HOXC4: variants seen among roughly 807,000 people sequenced by gnomAD.
HOXC4 encodes the protein homeobox protein Hox-C4.
HOXC4 carries 15 observed loss-of-function variants against 25.5 expected under a neutral mutation model. The ratio of observed to expected loss-of-function variants is 0.59; its 90% confidence interval spans 0.39 to 0.91. The LOEUF is 0.91. Ranked by LOEUF, HOXC4 falls within the 40% of genes least tolerant of loss-of-function variation. The pLI is 0.00. For synonymous variants in HOXC4, 165 were observed against 148.0 expected (o/e 1.11, Z -0.83); for missense variants, 342 against 352.4 (o/e 0.97, Z 0.24).
chr12:54,030,678 G>T (rs1335892360), intron 1 of HOXC4: 1 of 152,608 alleles, frequency 6.6e-6, no homozygotes, highest in East Asian at 1.9e-4. Context: ...TACAAAAAGA[G>T]AGAAAAAAAG....
intron 1 of HOXC4, among the ~76,000 whole-genome samples, chr12:54,039,626 CT>C (rs1467045012): frequency 1.3e-5 from 2 of 152,104 alleles, no homozygotes; most frequent in Non-Finnish European, 2.9e-5. Context: ...ACCCGTCCTT[CT>C]TGGCTCTCTC....
intron 1 of HOXC4, among the ~76,000 whole-genome samples, chr12:54,042,679 T>C (rs1343807539): frequency 6.6e-6 from 1 of 152,208 alleles, no homozygotes; most frequent in African/African-American, 2.4e-5. Context: ...CTAGGGCCCC[T>C]GAAGCCCTTT....
intron 1 of HOXC4, among the ~76,000 whole-genome samples, chr12:54,024,655 GGTCCAGTCCCACCC>G (rs1940608246): frequency 6.6e-6 from 1 of 152,130 alleles, no homozygotes; most frequent in South Asian, 2.1e-4. Flanking sequence ...CTTCAGGCTG[GGTCCAGTCCCACCC>G]ACCCTTTCCC....
intron 1 of HOXC4, among the ~76,000 whole-genome samples, chr12:54,035,965 A>G (rs1293549567): frequency 1.3e-5 from 2 of 152,144 alleles, no homozygotes; most frequent in East Asian, 1.9e-4. Flanking sequence ...CTGGCAGGAA[A>G]TGTTCAGACT....
intron 1 of HOXC4, chr12:54,028,976 C>T (rs991870481): frequency 3.0e-5 from 46 of 1,511,370 alleles, no homozygotes; most frequent in Non-Finnish European, 8.0e-6. Context: ...GCTTTATGAC[C>T]GGCTTCCCTA....
Position 54,055,326 on chromosome 12 carries a change from C to G in HOXC4, c.*121C>G. 3.9e-6 allele frequency: 1 copy of G among 253,768 alleles called. No individual in the cohort carries two copies. Among genetic ancestry groups the G allele is most frequent in the Non-Finnish European group, 6.9e-6 (1 of 143,902 alleles). The allele number at this position is 253,768 out of a possible 1,614,324, so 15.7% of individuals were successfully genotyped here. A position where few individuals can be genotyped will look rare whatever the true frequency, so the allele number is the denominator to read the frequency against. Reference sequence around the variant, plus strand: ...TATATATATATAGGTTCTTTTCTCTCTTCCTCTCACCTTGTCCCTTGTCAG... The same window carrying G: ...TATATATATATAGGTTCTTTTCTCTGTTCCTCTCACCTTGTCCCTTGTCAG... On this transcript the variant is annotated 3_prime_UTR_variant, in exon 2 of 2. Transcript: ENST00000430889.
rs767039627 is a variant in HOXC4 at position 54,054,158 on chromosome 12, G to A, written c.236G>A (p.Arg79Gln). The A allele has an allele frequency of 4.3e-6, 7 of 1,613,626 alleles. No individual in the cohort carries two copies. Among genetic ancestry groups the A allele is most frequent in the African/African-American group, 2.7e-5 (2 of 74,828 alleles). ...CTSLQGPGNS[R>Q]GHGPAQAGHH... ...AGTCTCCAGGGGCCCGGCAATTCGC[G>A]AGGCCACGGGCCGGCCCAGGCGGGC... The change falls in exon 1 of 2, where the codon CGA becomes CAA. Residue 79 changes from arginine (R) to glutamine (Q), a missense_variant. Physicochemically the swap from Arg to Gln is conservative, Grantham distance 43. Transcript: ENST00000430889.
chr12:54,051,025 A>G (rs530087968), upstream of HOXC4, among the ~76,000 whole-genome samples: 1 of 152,100 alleles, frequency 6.6e-6, no homozygotes, highest in Non-Finnish European at 1.5e-5. Flanking sequence ...AAGCTCAGAA[A>G]CCTGGCGGGG....
intron 1 of HOXC4, among the ~76,000 whole-genome samples, chr12:54,032,069 C>A (rs1037176946): frequency 6.6e-6 from 1 of 152,248 alleles, no homozygotes; most frequent in Non-Finnish European, 1.5e-5. Flanking sequence ...TATTTTCTGT[C>A]TAAAACCTCT....
chr12:54,037,136 C>T (rs1452747803), intron 1 of HOXC4, among the ~76,000 whole-genome samples: 1 of 152,244 alleles, frequency 6.6e-6, no homozygotes, highest in Non-Finnish European at 1.5e-5. Context: ...CAGGCACCAG[C>T]CTTGGCTTCT....
At chr12:54,020,761 T>C (rs1276033931) in intron 1 of HOXC4, 1 of 152,188 alleles carries the variant, frequency 6.6e-6, no homozygotes, top group East Asian at 1.9e-4. Context: ...GCTGGAAATA[T>C]GTGCTCACTG....
intron 1 of HOXC4, chr12:54,033,443 G>T (rs1453889127): frequency 2.5e-6 from 4 of 1,600,110 alleles, no homozygotes; most frequent in South Asian, 1.1e-5. Context: ...CTCGCCCGGC[G>T]CTGGAGGAGC....
At chr12:54,022,519 C>T (rs1217433687) in intron 1 of HOXC4, 12 of 152,280 alleles carry the variant, frequency 7.9e-5, no homozygotes, top group Admixed American at 5.2e-4. Context: ...CAGTCTCTCT[C>T]TCTCTCTTTT....
chr12:54,038,477 G>T (rs1218859148), intron 1 of HOXC4, among the ~76,000 whole-genome samples: 1 of 152,214 alleles, frequency 6.6e-6, no homozygotes, highest in Non-Finnish European at 1.5e-5. Flanking sequence ...GAAAGGCAGG[G>T]AAGGAGGGTT....
intron 1 of HOXC4, among the ~76,000 whole-genome samples, chr12:54,035,577 G>C (rs118142618): frequency 6.6e-6 from 1 of 152,186 alleles, no homozygotes; most frequent in East Asian, 1.9e-4. Flanking sequence ...CCTAGGCCTC[G>C]AGTACTGGCT....
chr12:54,039,482 C>G (rs1941236400), intron 1 of HOXC4, among the ~76,000 whole-genome samples: 1 of 152,096 alleles, frequency 6.6e-6, no homozygotes, highest in Non-Finnish European at 1.5e-5. Flanking sequence ...CGCCATCCCT[C>G]AGGGCCTCAG....
chr12:54,031,090 G>A (rs1371066553), intron 1 of HOXC4, among the ~76,000 whole-genome samples: 3 of 152,242 alleles, frequency 2.0e-5, no homozygotes, highest in Non-Finnish European at 4.4e-5. Context: ...GGGGGAGCTG[G>A]GATCAGTCGG....
intron 1 of HOXC4, among the ~76,000 whole-genome samples, chr12:54,018,164 G>A (rs1280380134): frequency 6.6e-6 from 1 of 152,200 alleles, no homozygotes; most frequent in Non-Finnish European, 1.5e-5. Context: ...GTTGTAGGGT[G>A]GGGGTGGGGG....
chr12:54,033,001 G>T, intron 1 of HOXC4: 1 of 748,906 alleles, frequency 1.3e-6, no homozygotes, highest in Non-Finnish European at 2.2e-6. Context: ...ATAGGATAAA[G>T]AAAGAGATAT....
Sources: allele counts gnomAD v4.1 joint callset (sites outside exome capture counted in the v4.1 genomes callset), GRCh38; gene constraint gnomAD v4.1.1; transcripts MANE v1.5; gene names NCBI Gene and HGNC (gene_info 2026-07-23, HGNC 2026-07-21).